Variants in ZNF765 observed in about 807,000 individuals in gnomAD.
ZNF765 encodes the protein zinc finger protein 765.
ZNF765 carries 37 observed loss-of-function variants against 44.7 expected under a neutral mutation model. The ratio of observed to expected loss-of-function variants is 0.83; its 90% CI spans 0.64 to 1.09. The LOEUF is 1.09. Among genes scored for constraint, ZNF765 ranks in the 50% least tolerant of loss-of-function variants. The probability of loss-of-function intolerance (pLI) is 0.00; values close to 1 mark genes in which losing one functional copy is unlikely to be tolerated. For missense variants in ZNF765, 594 were observed against 626.1 expected, an observed-to-expected ratio of 0.95 and a Z score of 0.55; for synonymous variants, 201 against 213.7, an observed-to-expected ratio of 0.94 and a Z score of 0.52.
exon 4 of ZNF765, chr19:53,425,163 AC>A (rs1444218491): frequency 6.6e-6 from 1 of 152,246 alleles, no homozygotes; most frequent in Non-Finnish European, 1.5e-5. Context: ...CGCTAATGAA[AC>A]GAGCCTTGTT....
At chr19:53,407,357 G>T (rs1600056684) in intron 3 of ZNF765, among the ~76,000 whole-genome samples, 2 of 152,186 alleles carry the variant, frequency 1.3e-5, no homozygotes, top group Middle Eastern at 6.8e-3. Context: ...TAAATGTGAA[G>T]AATATATACT....
chr19:53,400,143 C>T (rs2085709046), intron 2 of ZNF765, among the ~76,000 whole-genome samples: 1 of 152,098 alleles, frequency 6.6e-6, no homozygotes, highest in South Asian at 2.1e-4. Context: ...TCTTCTCCTT[C>T]CTCCCACCCT....
intron 3 of ZNF765, among the ~76,000 whole-genome samples, chr19:53,422,805 C>T (rs1600069154): frequency 6.6e-6 from 1 of 152,132 alleles, no homozygotes; most frequent in Admixed American, 6.5e-5. Context: ...AGAATGGCTG[C>T]TGGGATGTGG....
At position 53,408,688 on chromosome 19, in the gene ZNF765, C is replaced by G; in HGVS notation, c.1133C>G (p.Thr378Ser). 1 of 1,539,652 alleles carries G rather than the reference C, an allele frequency of 6.5e-7. No homozygotes were observed. Among genetic ancestry groups the G allele is most frequent in the Non-Finnish European group, 8.8e-7 (1 of 1,133,274 alleles). Residue 378 changes from threonine to serine, a missense_variant, in exon 4 of 4, where the codon ACT (threonine) becomes AGT (serine). Transcript: ENST00000396408. Reference protein sequence around the residue: ...SHFTCHHRVHTGEKPYKCNEC... With the variant: ...SHFTCHHRVHSGEKPYKCNEC... ...TTTACATGCCATCATAGAGTTCATA[C>G]TGGAGAGAAACCTTACAAGTGTAAT...
At chr19:53,421,941 A>T (rs1441466704) in intron 3 of ZNF765, among the ~76,000 whole-genome samples, 1 of 152,174 alleles carries the variant, frequency 6.6e-6, no homozygotes, top group Non-Finnish European at 1.5e-5. Flanking sequence ...CCTTCCTGGC[A>T]TAAGAAGAAA....
rs2085831396 is a variant in ZNF765 at position 53,411,292 on chromosome 19, A to ACT, written c.*2165_*2166insCT. The ACT allele has an allele frequency of 7.5e-6, 1 of 133,182 alleles. No individual in the cohort carries two copies. The highest frequency in any genetic ancestry group is 1.6e-5 in the Non-Finnish European group (1 of 63,946). The allele number at this position is 133,182 out of a possible 1,614,324, so 8.3% of individuals were successfully genotyped here. On this transcript the variant is annotated 3_prime_UTR_variant, in exon 4 of 4. Transcript: ENST00000396408. ...GTTTCTTTAACAAAAACTGATAGGGATTTTTTTTTTTTTTTTTGAGATGGA... is the reference window on the plus strand; with the variant it reads ...GTTTCTTTAACAAAAACTGATAGGGACTTTTTTTTTTTTTTTTTTGAGATGGA...
chr19:53,398,137 G>T, intron 2 of ZNF765, 107 bp downstream of exon 2: 1 of 1,586,944 alleles, frequency 6.3e-7, no homozygotes, highest in Non-Finnish European at 8.6e-7. Context: ...TGACAGGTTT[G>T]CTCGCACTCA....
intron 2 of ZNF765, among the ~76,000 whole-genome samples, chr19:53,400,868 T>A (rs146285988): frequency 1.9e-3 from 284 of 151,764 alleles, no homozygotes; most frequent in African/African-American, 6.7e-3. Context: ...GGTCTTACTG[T>A]GTTGCCCAGG....
chr19:53,403,559 A>G lies in ZNF765; in HGVS notation c.142+1368A>G, dbSNP rs114618580. 4.0e-3 allele frequency among the ~76,000 whole-genome samples: 606 copies of G among 152,190 alleles called. 4 individuals carry two copies. The highest frequency in any genetic ancestry group is 0.014 in the African/African-American group (582 of 41,518). On this transcript the variant is annotated intron_variant, in intron 3 of 3. Coordinates refer to ENST00000396408, the MANE Select transcript of ZNF765 (RefSeq NM_001040185.3). Reference sequence around the variant, plus strand: ...CGGCTCCGCCTTTCAGGCTCAAACAATTTTTGTGCCCCAGTGGCTCACGCC... The same window carrying G: ...CGGCTCCGCCTTTCAGGCTCAAACAGTTTTTGTGCCCCAGTGGCTCACGCC...
chr19:53,410,557 C>A lies in ZNF765; in HGVS notation c.*1430C>A. The stretch of plus-strand genomic sequence containing the variant: ...TAGTGGGCAGTCAACACTTGTTTAC[C>A]ATCAGGCAATCCATGGTGTAGGGAA... On this transcript the variant is annotated 3_prime_UTR_variant, in exon 4 of 4. Transcript: ENST00000396408. 2.4e-6 allele frequency: 1 copy of A among 422,644 alleles called. No individual in the cohort carries two copies. Among genetic ancestry groups the A allele is most frequent in the South Asian group, 2.0e-5 (1 of 49,586 alleles). 26.2% of individuals were successfully genotyped at this position (422,644 alleles called of 1,614,324 possible).
chr19:53,419,200 A>T (rs16984862), intron 3 of ZNF765, among the ~76,000 whole-genome samples: 1 of 152,290 alleles, frequency 6.6e-6, no homozygotes, highest in African/African-American at 2.4e-5. Context: ...TCTAAAATCT[A>T]TCTGTGGTTC....
chr19:53,395,451 C>G (rs1280578761), intron 1 of ZNF765, among the ~76,000 whole-genome samples: 2 of 152,234 alleles, frequency 1.3e-5, no homozygotes, highest in Non-Finnish European at 2.9e-5. Context: ...TGCTCTGAAA[C>G]TTTTTCTGAC....
chr19:53,398,556 A>T (rs1463655708), intron 2 of ZNF765, among the ~76,000 whole-genome samples: 1 of 152,214 alleles, frequency 6.6e-6, no homozygotes. Context: ...GTTCATACAC[A>T]GACATGAATG....
rs754732656 is a variant in ZNF765, at chr19:53,398,021, T to A, written c.6T>A (p.Ala2=). The A allele has an allele frequency of 1.9e-6, 3 of 1,613,750 alleles. No homozygotes were observed. Among genetic ancestry groups the A allele is most frequent in the Non-Finnish European group, 2.5e-6 (3 of 1,179,990 alleles). The part of the protein sequence containing the change: M[A]LPQGLLTFRD... ...GGAAAGCAAAGGAGTCAGGGATGGC[T>A]CTTCCTCAGGTGAGATGATATTCTT... The change falls in exon 2 of 4, where the codon GCT becomes GCA. Residue 2 remains alanine, a synonymous_variant. Coordinates refer to ENST00000396408, the MANE Select transcript of ZNF765 (RefSeq NM_001040185.3).
In ZNF765 at chr19:53,395,206, C is replaced by T. The variant is rs1483964864; in HGVS notation, c.-74+13C>T. The stretch of plus-strand genomic sequence containing the variant: ...CCCACCGCCGCGGGTGAGTTTCGCT[C>T]TGTTTTGTATTAAGTCTGTGCTTCC... On this transcript the variant is annotated intron_variant, in intron 1 of 3. Transcript: ENST00000396408. 2 of 152,366 alleles carry T rather than the reference C, an allele frequency of 1.3e-5. No individual in the cohort carries two copies. The highest frequency in any genetic ancestry group is 3.9e-4 in the East Asian group (2 of 5,180). The allele number at this position is 152,366 out of a possible 1,614,324, so 9.4% of individuals were successfully genotyped here. A position where few individuals can be genotyped will look rare whatever the true frequency, so the allele number is the denominator to read the frequency against.
intron 3 of ZNF765, among the ~76,000 whole-genome samples, chr19:53,422,571 T>C (rs2085913652): frequency 6.6e-6 from 1 of 152,156 alleles, no homozygotes; most frequent in Non-Finnish European, 1.5e-5. Flanking sequence ...TTTATTTTTA[T>C]ATATTTACTT....
intron 3 of ZNF765, among the ~76,000 whole-genome samples, chr19:53,421,056 C>T (rs769075291): frequency 1.3e-5 from 2 of 152,174 alleles, no homozygotes; most frequent in Non-Finnish European, 2.9e-5. Flanking sequence ...CAGTGTAAAA[C>T]CTGGTTGTAT....
At chr19:53,414,506 C>G (rs1177109043), downstream of ZNF765, among the ~76,000 whole-genome samples, 3 of 69,218 alleles carry the variant, frequency 4.3e-5, no homozygotes, top group East Asian at 1.3e-3. Flanking sequence ...CCCCCCCCCC[C>G]CCCGGGGAAA....
intron 3 of ZNF765, among the ~76,000 whole-genome samples, chr19:53,420,640 T>C (rs759259373): frequency 4.6e-5 from 7 of 152,178 alleles, no homozygotes; most frequent in Non-Finnish European, 5.9e-5. Flanking sequence ...TGCCTTGAAA[T>C]GCTGTTAATC....
Sources: gnomAD v4.1 joint callset for allele counts (sites outside exome capture counted in the v4.1 genomes callset) on GRCh38, gnomAD v4.1.1 for gene constraint, MANE v1.5 for transcripts, NCBI Gene and HGNC (gene_info 2026-07-23, HGNC 2026-07-21) for gene names.